The following ELMO1 variants were observed in gnomAD, a reference collection of about 807,000 sequenced individuals.
ELMO1 encodes engulfment and cell motility protein 1.
In ELMO1, 26 loss-of-function variants were observed where a neutral mutation model predicts 98.9. The ratio of observed to expected loss-of-function variants is 0.26; its 90% confidence interval spans 0.19 to 0.36. The LOEUF (loss-of-function observed/expected upper bound fraction) is 0.36, where lower values mean the gene tolerates loss of function less well. ELMO1 is among the 10% of genes least tolerant of loss of function. The pLI is 1.00. For synonymous variants in ELMO1, 346 were observed against 346.0 expected (o/e 1.00, Z 0.00); for missense variants, 627 against 935.2 (o/e 0.67, Z 4.30).
intron 1 of ELMO1, chr7:37,375,577 G>T: frequency 1.8e-6 from 2 of 1,106,746 alleles, no homozygotes; most frequent in South Asian, 2.5e-5. Context: ...TTTAAGGAGG[G>T]AGTCATGGTG....
chr7:37,293,095 G>A (rs1170345422), intron 4 of ELMO1, among the ~76,000 whole-genome samples: 3 of 23,520 alleles, frequency 1.3e-4, no homozygotes, highest in African/African-American at 1.7e-4. Flanking sequence ...AGGGAGGTGG[G>A]GGGGGGTCAG....
intron 16 of ELMO1, among the ~76,000 whole-genome samples, chr7:36,964,662 T>G (rs1465235957): frequency 3.3e-5 from 5 of 152,210 alleles, no homozygotes; most frequent in Non-Finnish European, 7.3e-5. Flanking sequence ...TTTTGTTTTT[T>G]CTACTCTGGC....
intron 16 of ELMO1, among the ~76,000 whole-genome samples, chr7:36,908,945 C>G (rs1784154691): frequency 6.6e-6 from 1 of 152,166 alleles, no homozygotes; most frequent in Admixed American, 6.5e-5. Flanking sequence ...TACATTGTCA[C>G]AAGAATCCTA....
At chr7:37,050,986 G>A (rs1414475386) in intron 15 of ELMO1, among the ~76,000 whole-genome samples, 5 of 152,178 alleles carry the variant, frequency 3.3e-5, no homozygotes, top group Non-Finnish European at 7.4e-5. Flanking sequence ...AAGGGCTTCA[G>A]ACAGGATGCC....
Position 37,143,858 on chromosome 7 carries a change from G to A in ELMO1, c.1087-10624C>T, listed in dbSNP as rs551803144. The stretch of plus-strand genomic sequence containing the variant: ...CCCAAGTAGCTGGGATTACAGGCAT[G>A]CGTCACCATGCCTGGCTAAGTTTTG... On this transcript the variant is annotated intron_variant, in intron 13 of 21. Transcript: ENST00000310758. Among the ~76,000 whole-genome samples the A allele has an allele frequency of 3.3e-5, 5 of 151,662 alleles. No homozygotes were observed. In the East Asian group the frequency reaches 9.7e-4, roughly 30 times the overall value.
chr7:37,367,565 A>G (rs1562646480), intron 1 of ELMO1, among the ~76,000 whole-genome samples: 1 of 152,248 alleles, frequency 6.6e-6, no homozygotes, highest in Non-Finnish European at 1.5e-5. Context: ...ATAACAGGCT[A>G]CAGGTACAAT....
chr7:36,883,122 C>T (rs1804627243), intron 18 of ELMO1, among the ~76,000 whole-genome samples: 2 of 152,180 alleles, frequency 1.3e-5, no homozygotes, highest in Non-Finnish European at 2.9e-5. Flanking sequence ...GATATACCAG[C>T]CTTGTTGGCA....
At chr7:36,864,502 G>C (rs186730325) in intron 20 of ELMO1, among the ~76,000 whole-genome samples, 8 of 152,194 alleles carry the variant, frequency 5.3e-5, no homozygotes, top group East Asian at 1.9e-4. Context: ...GGGTGTTATC[G>C]CTTGTAATGG....
rs755142398 is a variant in ELMO1, at chr7:37,259,287, C to A, written c.307G>T (p.Ala103Ser). The change falls in exon 6 of 22, where the codon GCC (alanine) becomes TCC (serine). Residue 103 changes from alanine to serine, a missense_variant. This residue lies in a region of ELMO1 where 123 missense variants were observed against 171.2 expected (regional missense o/e 0.72). Coordinates refer to ENST00000310758, the MANE Select transcript of ELMO1 (RefSeq NM_014800.11). ...QSSSMDAKLE[A>S]LKDLASLSRD... ...GAGAGGCTGGCCAAGTCCTTCAGGG[C>A]TTCCAGCTTGGCATCCATACTCGAG... 2 of 1,614,054 alleles carry A rather than the reference C, an allele frequency of 1.2e-6. No homozygotes were observed. The highest frequency in any genetic ancestry group is 2.2e-5 in the South Asian group (2 of 91,082).
chr7:37,039,553 G>C (rs1795382620), intron 15 of ELMO1, among the ~76,000 whole-genome samples: 1 of 152,184 alleles, frequency 6.6e-6, no homozygotes, highest in African/African-American at 2.4e-5. Context: ...GACTTTTCTA[G>C]TTACAGCATC....
At chr7:37,120,410 T>C (rs1177728964) in intron 14 of ELMO1, among the ~76,000 whole-genome samples, 5 of 152,304 alleles carry the variant, frequency 3.3e-5, no homozygotes, top group East Asian at 3.9e-4. Flanking sequence ...ACCTGGGAAA[T>C]TGGGTCACTC....
At chr7:37,299,516 A>G (rs1470320629) in intron 4 of ELMO1, among the ~76,000 whole-genome samples, 59 of 44,798 alleles carry the variant, frequency 1.3e-3, no homozygotes, top group African/African-American at 3.6e-3. Context: ...AGCACCATTT[A>G]TTAAATAGGG....
At chr7:37,438,324 A>C (rs965997049) in intron 1 of ELMO1, among the ~76,000 whole-genome samples, 5 of 151,532 alleles carry the variant, frequency 3.3e-5, no homozygotes, top group Admixed American at 2.6e-4. Context: ...GCGGTGGCTC[A>C]TGCCTGTAAT....
chr7:36,985,921 AC>A, intron 16 of ELMO1: 1 of 1,002,990 alleles, frequency 1.0e-6, no homozygotes, highest in Non-Finnish European at 1.2e-6. Context: ...AGGTTTACTC[AC>A]CAAGCTCCCG....
intron 13 of ELMO1, among the ~76,000 whole-genome samples, chr7:37,146,208 C>G (rs535912029): frequency 2.6e-5 from 4 of 152,278 alleles, no homozygotes; most frequent in African/African-American, 9.6e-5. Flanking sequence ...TCAAGAATAT[C>G]AGAATCTCCT....
rs1377328387 is a variant in ELMO1, at chr7:37,211,446, A to G, written c.1026T>C (p.Ser342=). 1 of 1,614,050 alleles carries G rather than the reference A, an allele frequency of 6.2e-7. No homozygotes were observed. The highest frequency in any genetic ancestry group is 1.1e-5 in the South Asian group (1 of 91,076). ...FDAESEPNNS[S]GSMEKRKSMY... ...TGGACTTGCGTTTCTCCATGCTGCC[A>G]CTGCTGTTGTTAGGTTCAGACTCAG... Residue 342 remains serine (S), a synonymous_variant, in exon 13 of 22, where the codon AGT becomes AGC. Transcript: ENST00000310758.
At chr7:37,154,680 C>T (rs960253846) in intron 13 of ELMO1, among the ~76,000 whole-genome samples, 2 of 152,174 alleles carry the variant, frequency 1.3e-5, no homozygotes, top group Non-Finnish European at 2.9e-5. Flanking sequence ...ACCAAATCTA[C>T]ATTTGACTAG....
chr7:37,277,707 G>A (rs886118596), intron 4 of ELMO1, among the ~76,000 whole-genome samples: 7 of 152,180 alleles, frequency 4.6e-5, no homozygotes, highest in Non-Finnish European at 8.8e-5. Context: ...CATGTGGCCC[G>A]CTTCATGAGA....
chr7:37,255,067 C>T (rs1795568289), intron 6 of ELMO1, among the ~76,000 whole-genome samples: 1 of 152,100 alleles, frequency 6.6e-6, no homozygotes. Flanking sequence ...TCTTTTAAAG[C>T]AAAAATGATT....
Sources: allele counts gnomAD v4.1 joint callset (sites outside exome capture counted in the v4.1 genomes callset), GRCh38; gene constraint gnomAD v4.1.1; regional missense constraint gnomAD v4.1.1; transcripts MANE v1.5; gene names NCBI Gene and HGNC (gene_info 2026-07-23, HGNC 2026-07-21).